The following VAV3 variants were observed in gnomAD, a reference collection of about 807,000 sequenced individuals.
The protein encoded by VAV3 is vav guanine nucleotide exchange factor 3, also known as guanine nucleotide exchange factor VAV3.
Under a neutral mutation model 131.2 loss-of-function variants are expected in VAV3, and 94 were observed. That is an observed-to-expected ratio of 0.72 (90% confidence interval 0.61 to 0.85). The LOEUF is 0.85. Among genes scored for constraint, VAV3 ranks in the 40% least tolerant of loss-of-function variants. VAV3 has a pLI of 0.00. For missense variants in VAV3, 939 were observed against 1,002.7 expected, an observed-to-expected ratio of 0.94 and a Z score of 0.86; for synonymous variants, 349 against 342.0, an observed-to-expected ratio of 1.02 and a Z score of -0.22.
At position 107,572,031 on chromosome 1, in the gene VAV3, T is replaced by C. The variant is rs1467528616; in HGVS notation, c.*1300A>G. The C allele has an allele frequency of 6.6e-6, 1 of 152,280 alleles. No individual in the cohort carries two copies. Among genetic ancestry groups the C allele is most frequent in the East Asian group, 1.9e-4 (1 of 5,200 alleles). The allele number at this position is 152,280 out of a possible 1,614,324, so 9.4% of individuals were successfully genotyped here. A position where few individuals can be genotyped will look rare whatever the true frequency, so the allele number is the denominator to read the frequency against. Reference sequence around the variant, plus strand: ...TCTTGTCAGAACACAACTTCTGCTATGGAGGAAATATTTCCATCAGGAAAG... The same window carrying C: ...TCTTGTCAGAACACAACTTCTGCTACGGAGGAAATATTTCCATCAGGAAAG... On this transcript the variant is annotated 3_prime_UTR_variant, in exon 27 of 27. Transcript: ENST00000370056.
chr1:107,639,484 A>C (rs1211213982), intron 20 of VAV3, among the ~76,000 whole-genome samples: 1 of 152,180 alleles, frequency 6.6e-6, no homozygotes, highest in Admixed American at 6.6e-5. Flanking sequence ...ATAATAAAAA[A>C]ATGCATGGCT....
At chr1:107,742,690 G>A (rs2102025156) in intron 15 of VAV3, among the ~76,000 whole-genome samples, 1 of 152,102 alleles carries the variant, frequency 6.6e-6, no homozygotes, top group African/African-American at 2.4e-5. Context: ...CTCTAACCAT[G>A]AGGTTCAACT....
At chr1:107,790,791 G>A (rs531018490) in intron 2 of VAV3, among the ~76,000 whole-genome samples, 138 of 145,020 alleles carry the variant, frequency 9.5e-4, no homozygotes, top group Non-Finnish European at 1.6e-3. Flanking sequence ...AGGTTAAAGC[G>A]ATTCTCCTGC....
chr1:107,648,912 G>A (rs1057275149), intron 19 of VAV3, among the ~76,000 whole-genome samples: 2 of 151,980 alleles, frequency 1.3e-5, no homozygotes, highest in African/African-American at 4.8e-5. Flanking sequence ...CACATGTCTG[G>A]TGTTATCTTG....
At chr1:107,814,677 T>A (rs1667486847) in intron 2 of VAV3, among the ~76,000 whole-genome samples, 1 of 152,214 alleles carries the variant, frequency 6.6e-6, no homozygotes, top group Admixed American at 6.5e-5. Context: ...GTGCTTCTGA[T>A]GTCTTAGCCA....
intron 1 of VAV3, among the ~76,000 whole-genome samples, chr1:107,889,174 T>C (rs1208174581): frequency 1.3e-5 from 2 of 151,524 alleles, no homozygotes; most frequent in South Asian, 2.1e-4. Context: ...TGTGTGTCAC[T>C]TGCCATGTAG....
intron 1 of VAV3, among the ~76,000 whole-genome samples, chr1:107,885,239 A>G (rs948621457): frequency 5.1e-5 from 7 of 137,496 alleles, no homozygotes; most frequent in Non-Finnish European, 1.6e-5. Flanking sequence ...AAGGTGACAC[A>G]TAAGTCTGTC....
chr1:107,630,304 T>A (rs1305136486), intron 20 of VAV3, among the ~76,000 whole-genome samples: 1 of 151,810 alleles, frequency 6.6e-6, no homozygotes, highest in Non-Finnish European at 1.5e-5. Flanking sequence ...TATAAGTATA[T>A]GAATGGATGA....
intron 21 of VAV3, among the ~76,000 whole-genome samples, chr1:107,610,201 A>C (rs190693479): frequency 3.5e-4 from 53 of 152,326 alleles, no homozygotes; most frequent in African/African-American, 1.2e-3. Context: ...TAACTCTAAG[A>C]GGAGAGATAG....
At chr1:107,952,957 GTTGT>G (rs1347506834) in intron 1 of VAV3, among the ~76,000 whole-genome samples, 1 of 152,094 alleles carries the variant, frequency 6.6e-6, no homozygotes, top group African/African-American at 2.4e-5. Context: ...CAGAAATTTC[GTTGT>G]TTTAGATGTT....
intron 19 of VAV3, among the ~76,000 whole-genome samples, chr1:107,657,945 G>A (rs535761395): frequency 1.6e-3 from 237 of 152,228 alleles, no homozygotes; most frequent in African/African-American, 5.4e-3. Context: ...GAGGAAATAC[G>A]ACTAGAAAAT....
chr1:107,738,645 T>C (rs1214321965), intron 15 of VAV3, among the ~76,000 whole-genome samples: 2 of 152,234 alleles, frequency 1.3e-5, no homozygotes, highest in East Asian at 1.9e-4. Flanking sequence ...TTGTGTTGTA[T>C]AGCCCAAAGT....
chr1:107,772,374 AG>A (rs1174936710), intron 5 of VAV3, among the ~76,000 whole-genome samples: 1 of 152,172 alleles, frequency 6.6e-6, no homozygotes, highest in Non-Finnish European at 1.5e-5. Flanking sequence ...TCAAATTTAA[AG>A]GGAAAAATTT....
chr1:107,727,888 A>AT (rs2101951840), intron 15 of VAV3, among the ~76,000 whole-genome samples: 1 of 152,340 alleles, frequency 6.6e-6, no homozygotes, highest in East Asian at 1.9e-4. Context: ...GGGGAGTTTC[A>AT]TTATAATTGA....
intron 25 of VAV3, among the ~76,000 whole-genome samples, chr1:107,590,625 C>A (rs767194727): frequency 2.6e-5 from 4 of 152,156 alleles, no homozygotes; most frequent in Non-Finnish European, 5.9e-5. Flanking sequence ...TGAATATATT[C>A]TCTTTTCTCT....
At chr1:107,893,757 T>C (rs1260765970) in intron 1 of VAV3, among the ~76,000 whole-genome samples, 1 of 152,208 alleles carries the variant, frequency 6.6e-6, no homozygotes, top group Non-Finnish European at 1.5e-5. Flanking sequence ...AGCCAAACTA[T>C]ATCAGTGTTC....
intron 20 of VAV3, 79 bp downstream of exon 20, chr1:107,642,540 C>T: frequency 6.5e-7 from 1 of 1,546,650 alleles, no homozygotes; most frequent in South Asian, 1.2e-5. Context: ...GTGGACTCGC[C>T]CTGAATTCCT....
chr1:107,881,829 A>G (rs999663181), intron 1 of VAV3, among the ~76,000 whole-genome samples: 2 of 152,208 alleles, frequency 1.3e-5, no homozygotes, highest in Non-Finnish European at 2.9e-5. Context: ...TTCAAGGTGC[A>G]GCCTCCTGTT....
intron 15 of VAV3, among the ~76,000 whole-genome samples, chr1:107,740,819 A>T (rs751405778): frequency 1.3e-5 from 2 of 152,206 alleles, no homozygotes; most frequent in Admixed American, 6.5e-5. Context: ...ATGTGAATCT[A>T]TGGCTGCATT....
Sources: allele counts gnomAD v4.1 joint callset (sites outside exome capture counted in the v4.1 genomes callset), GRCh38; gene constraint gnomAD v4.1.1; transcripts MANE v1.5; gene names NCBI Gene and HGNC (gene_info 2026-07-23, HGNC 2026-07-21).